Variants in CDH23 observed in about 807,000 individuals in gnomAD.
The protein encoded by CDH23 is cadherin related 23.
In CDH23, 189 loss-of-function variants were observed where a neutral mutation model predicts 317.1. The observed-to-expected ratio is 0.60, with a 90% confidence interval of 0.53 to 0.67. The LOEUF is 0.67. Among genes scored for constraint, CDH23 ranks in the 30% least tolerant of loss-of-function variants. CDH23 has a pLI of 0.00. For missense variants in CDH23, 4,401 were observed against 4,592.4 expected, an observed-to-expected ratio of 0.96 and a Z score of 1.20; for synonymous variants, 1,839 against 1,876.8, an observed-to-expected ratio of 0.98 and a Z score of 0.52.
At position 71,439,859 on chromosome 10, in the gene CDH23, C is replaced by G. The variant is rs971142356; in HGVS notation, c.28C>G (p.His10Asp). The part of the protein sequence containing the change: MGRHVATSC[H>D]VAWLLVLISG... ...GGGGCGCCATGTTGCCACCAGCTGC[C>G]ACGTGGCCTGGCTTTTGGTGCTGAT... Residue 10 changes from histidine to aspartate, a missense_variant, in exon 2 of 70, where the codon CAC (histidine) becomes GAC (aspartate). Transcript: ENST00000224721. The G allele has an allele frequency of 1.9e-6, 3 of 1,573,812 alleles. No individual in the cohort carries two copies. Among genetic ancestry groups the G allele is most frequent in the Non-Finnish European group, 2.6e-6 (3 of 1,158,502 alleles).
chr10:71,595,447 T>C (rs75595579), intron 9 of CDH23, among the ~76,000 whole-genome samples: 31 of 152,302 alleles, frequency 2.0e-4, no homozygotes, highest in African/African-American at 7.2e-4. Flanking sequence ...CCCATTCTAT[T>C]TCCAATGCGG....
chr10:71,793,051 A>T, intron 47 of CDH23, 131 bp from the exon 48 acceptor site: 1 of 592,708 alleles, frequency 1.7e-6, no homozygotes, highest in Non-Finnish European at 2.9e-6. Flanking sequence ...AGTATGAAAA[A>T]GGTATAAAAG....
chr10:71,502,020 A>G lies in CDH23; in HGVS notation c.146-8062A>G, dbSNP rs188485280. Among the ~76,000 whole-genome samples, 1,112 of 152,328 alleles carry G rather than the reference A, an allele frequency of 7.3e-3. 20 individuals are homozygous for G. The highest frequency in any genetic ancestry group is 0.031 in the Middle Eastern group (9 of 294). On this transcript the variant is annotated intron_variant, in intron 3 of 69. Transcript: ENST00000224721. Reference sequence around the variant, plus strand: ...CCTTGGCTCAGCTACTCACACATGCATAGCTCTATCCCAGGCGGCCCTCTC... The same window carrying G: ...CCTTGGCTCAGCTACTCACACATGCGTAGCTCTATCCCAGGCGGCCCTCTC...
At chr10:71,528,414 G>A (rs970298553) in intron 6 of CDH23, among the ~76,000 whole-genome samples, 5 of 152,200 alleles carry the variant, frequency 3.3e-5, no homozygotes, top group Non-Finnish European at 7.3e-5. Flanking sequence ...GCCTTGGGAC[G>A]GGTCCCTTCC....
rs1862823835 is a variant in CDH23 at position 71,645,878 on chromosome 10, C to T, written c.1188C>T (p.His396=). ...FEVYLVGNNS[H]HFIISPTSVQ... is the part of the protein sequence containing the mutation. ...TGTACTTGGTGGGGAACAACTCCCACCACTTCATCATCTCCCCGACCTCCG... is the reference window on the plus strand; with the variant it reads ...TGTACTTGGTGGGGAACAACTCCCATCACTTCATCATCTCCCCGACCTCCG... Residue 396 remains histidine (H), a synonymous_variant, in exon 13 of 70, where the codon CAC becomes CAT. Transcript: ENST00000224721. 5 of 1,613,412 alleles carry T rather than the reference C, an allele frequency of 3.1e-6. No homozygotes were observed. In the Admixed American group the frequency reaches 8.3e-5, roughly 27 times the overall value.
chr10:71,437,570 C>T (rs75631905), intron 1 of CDH23, among the ~76,000 whole-genome samples: 3,902 of 152,290 alleles, frequency 0.026, 152 homozygotes, highest in African/African-American at 0.082. Context: ...AGTAGCCTCA[C>T]GGCTCTGTAC....
rs371522191 is a variant in CDH23, at chr10:71,779,407, C to T, written c.5328C>T (p.Asn1776=). 89 of 1,613,068 alleles carry T rather than the reference C, an allele frequency of 5.5e-5. No individual in the cohort carries two copies. Among genetic ancestry groups the T allele is most frequent in the African/African-American group, 1.5e-4 (11 of 75,028 alleles). Residue 1776 remains asparagine (N), a synonymous_variant, in exon 41 of 70, where the codon AAC becomes AAT. Transcript: ENST00000224721. Reference sequence around the variant, plus strand: ...CCCATGACCGAGACTCAGGACCCAACGGGCAGGTGGAGTACAGCATCATGG... The same window carrying T: ...CCCATGACCGAGACTCAGGACCCAATGGGCAGGTGGAGTACAGCATCATGG... ...FLAHDRDSGP[N]GQVEYSIMDG...
intron 14 of CDH23, among the ~76,000 whole-genome samples, chr10:71,671,733 GC>G (rs1217271320): frequency 6.6e-6 from 1 of 152,118 alleles, no homozygotes; most frequent in Non-Finnish European, 1.5e-5. Flanking sequence ...CATCTGGGGG[GC>G]TGCTCTGGGA....
At chr10:71,520,945 G>A (rs938729941) in intron 6 of CDH23, among the ~76,000 whole-genome samples, 25 of 152,052 alleles carry the variant, frequency 1.6e-4, no homozygotes, top group African/African-American at 3.4e-4. Flanking sequence ...GAGACAGAGC[G>A]AGCTTTGGGT....
intron 53 of CDH23, among the ~76,000 whole-genome samples, chr10:71,801,718 G>A (rs528672859): frequency 2.0e-5 from 3 of 152,240 alleles, no homozygotes; most frequent in East Asian, 3.9e-4. Flanking sequence ...TTGAAAGGTC[G>A]GGGGTGTGAA....
chr10:71,420,571 A>ATGATGG (rs1289178961), intron 1 of CDH23, among the ~76,000 whole-genome samples: 6 of 36,560 alleles, frequency 1.6e-4, no homozygotes, highest in Middle Eastern at 0.011. Flanking sequence ...GATGATGATG[A>ATGATGG]TGATGATGAT....
chr10:71,666,748 G>A (rs1447563586), intron 14 of CDH23, among the ~76,000 whole-genome samples: 1 of 152,170 alleles, frequency 6.6e-6, no homozygotes, highest in Non-Finnish European at 1.5e-5. Flanking sequence ...GCATGTGGAG[G>A]TCACCCTGGC....
intron 18 of CDH23, among the ~76,000 whole-genome samples, chr10:71,684,159 C>T (rs1277372486): frequency 1.3e-5 from 2 of 151,988 alleles, no homozygotes; most frequent in African/African-American, 2.4e-5. Flanking sequence ...CTAGAAACAC[C>T]GAGGGTAGGG....
chr10:71,776,083 C>A (rs1253910021), intron 38 of CDH23, among the ~76,000 whole-genome samples: 2 of 152,184 alleles, frequency 1.3e-5, no homozygotes, highest in African/African-American at 4.8e-5. Flanking sequence ...AGAAATCAAG[C>A]CAGGTCCTTT....
At chr10:71,486,724 A>T (rs1489731770) in intron 3 of CDH23, among the ~76,000 whole-genome samples, 1 of 152,038 alleles carries the variant, frequency 6.6e-6, no homozygotes, top group African/African-American at 2.4e-5. Flanking sequence ...CCAGCGCTGT[A>T]CTCTTGGGCT....
intron 9 of CDH23, among the ~76,000 whole-genome samples, chr10:71,610,293 G>GT (rs1489626498): frequency 4.6e-5 from 7 of 152,182 alleles, no homozygotes; most frequent in Non-Finnish European, 8.8e-5. Context: ...ATGAGCCACT[G>GT]TGCCCAGCCC....
At chr10:71,814,290 C>T (rs1164722418) in intron 69 of CDH23, among the ~76,000 whole-genome samples, 1 of 152,186 alleles carries the variant, frequency 6.6e-6, no homozygotes, top group Admixed American at 6.5e-5. Flanking sequence ...TGGCACACGC[C>T]CATAGTCCCA....
intron 44 of CDH23, among the ~76,000 whole-genome samples, chr10:71,788,190 G>A (rs1393746321): frequency 2.0e-5 from 3 of 152,110 alleles, no homozygotes; most frequent in African/African-American, 7.2e-5. Flanking sequence ...TGGGATTACA[G>A]GTGTAAGCCA....
At chr10:71,638,739 A>G (rs1422822936) in intron 11 of CDH23, among the ~76,000 whole-genome samples, 1 of 152,232 alleles carries the variant, frequency 6.6e-6, no homozygotes, top group Non-Finnish European at 1.5e-5. Flanking sequence ...AAACAGCTGG[A>G]CAACCACGCT....
Sources: gnomAD v4.1 joint callset for allele counts (sites outside exome capture counted in the v4.1 genomes callset) on GRCh38, gnomAD v4.1.1 for gene constraint, MANE v1.5 for transcripts, NCBI Gene and HGNC (gene_info 2026-07-23, HGNC 2026-07-21) for gene names.